Variants in HBS1L observed in about 807,000 individuals in gnomAD.
The protein encoded by HBS1L is HBS1-like protein.
In HBS1L, 55 loss-of-function variants were observed where a neutral mutation model predicts 88.9. The observed-to-expected ratio is 0.62, with a 90% CI of 0.50 to 0.77. The LOEUF (loss-of-function observed/expected upper bound fraction) is 0.77. Ranked by LOEUF, HBS1L falls within the 30% of genes least tolerant of loss-of-function variation. The probability of loss-of-function intolerance (pLI) is 0.00; values close to 1 mark genes in which losing one functional copy is unlikely to be tolerated. For synonymous variants in HBS1L, 267 were observed against 288.5 expected (o/e 0.93, Z 0.76); for missense variants, 741 against 829.3 (o/e 0.89, Z 1.31).
Position 135,039,780 on chromosome 6 carries a change from A to G in HBS1L, c.236-13T>C, listed in dbSNP as rs1466734835. On this transcript the variant is annotated splice_polypyrimidine_tract_variant and intron_variant, in intron 3 of 17. Coordinates refer to ENST00000367837, the MANE Select transcript of HBS1L (RefSeq NM_006620.4). ...GAATAAAGACGAGCTAGAAAAGACG[A>G]CAATGGTCAAAAGCTATACTAAATG... 1 of 1,599,930 alleles carries G rather than the reference A, an allele frequency of 6.3e-7. No homozygotes were observed. Among genetic ancestry groups the G allele is most frequent in the Non-Finnish European group, 8.5e-7 (1 of 1,174,226 alleles).
chr6:135,049,771 C>G (rs1226600643), intron 2 of HBS1L, among the ~76,000 whole-genome samples: 2 of 152,154 alleles, frequency 1.3e-5, no homozygotes, highest in African/African-American at 2.4e-5. Flanking sequence ...GGGGTTTCAC[C>G]ATGTTGGCCA....
intron 2 of HBS1L, among the ~76,000 whole-genome samples, chr6:135,045,161 G>A (rs2114918150): frequency 6.6e-6 from 1 of 152,034 alleles, no homozygotes; most frequent in Non-Finnish European, 1.5e-5. Context: ...GGGTGGGTGA[G>A]GTGGGGAGCG....
intron 2 of HBS1L, among the ~76,000 whole-genome samples, chr6:135,045,099 T>C (rs1409934645): frequency 1.3e-5 from 2 of 151,014 alleles, no homozygotes; most frequent in Non-Finnish European, 2.9e-5. Context: ...CCAGGAGAAG[T>C]ATTGGGTCGC....
chr6:134,994,055 C>T (rs982676772), intron 7 of HBS1L, among the ~76,000 whole-genome samples, 180 bp from the exon 8 acceptor site: 9 of 152,004 alleles, frequency 5.9e-5, no homozygotes, highest in Non-Finnish European at 4.4e-5. Flanking sequence ...AATAGAAGTG[C>T]ATCCATATGG....
In HBS1L at chr6:134,967,411, T is replaced by G. The variant is rs189277820; in HGVS notation, c.1899-938A>C. 2.9e-3 allele frequency among the ~76,000 whole-genome samples: 442 copies of G among 152,266 alleles called. 2 individuals are homozygous for G. The highest frequency in any genetic ancestry group is 9.6e-3 in the African/African-American group (399 of 41,538). ...ATTCCTTAGGAAGGAGAGCATCTAATACATAAATGGCTTGTTCCTAATTTA... is the reference window on the plus strand; with the variant it reads ...ATTCCTTAGGAAGGAGAGCATCTAAGACATAAATGGCTTGTTCCTAATTTA... On this transcript the variant is annotated intron_variant, in intron 16 of 17. Transcript: ENST00000367837.
rs111504247 is a variant in HBS1L at position 134,964,641 on chromosome 6, AC to A, written c.*637del. On this transcript the variant is annotated 3_prime_UTR_variant, in exon 18 of 18. Coordinates refer to ENST00000367837, the MANE Select transcript of HBS1L (RefSeq NM_006620.4). ...AAAACACAGTTTGTATTATGCTCAA[AC>A]TAAGGCATTTTATTAGCTGGCTTTA... is the stretch of plus-strand genomic sequence containing the variant. The A allele has an allele frequency of 3.3e-5, 5 of 152,560 alleles. No individual in the cohort carries two copies. Among genetic ancestry groups the A allele is most frequent in the African/African-American group, 1.2e-4 (5 of 41,574 alleles). 9.5% of individuals were successfully genotyped at this position (152,560 alleles called of 1,614,324 possible). A position where few individuals can be genotyped will look rare whatever the true frequency, so the allele number is the denominator to read the frequency against.
At position 134,985,249 on chromosome 6, in the gene HBS1L, A is replaced by C. The variant is rs1413842727; in HGVS notation, c.1492+92T>G. Reference sequence around the variant, plus strand: ...ATGGAGAGGAGAGACTCTGAAGGCAATATACTGTCATAACTTAGTCCAGGA... The same window carrying C: ...ATGGAGAGGAGAGACTCTGAAGGCACTATACTGTCATAACTTAGTCCAGGA... On this transcript the variant is annotated intron_variant, in intron 12 of 17. Transcript: ENST00000367837. The C allele has an allele frequency of 4.4e-6, 3 of 685,568 alleles. No homozygotes were observed. In the Admixed American group the frequency reaches 8.2e-5, roughly 19 times the overall value. The allele number at this position is 685,568 out of a possible 1,614,324, so 42.5% of individuals were successfully genotyped here.
chr6:135,031,187 G>GT (rs1776373537), intron 4 of HBS1L, among the ~76,000 whole-genome samples: 1 of 152,034 alleles, frequency 6.6e-6, no homozygotes, highest in African/African-American at 2.4e-5. Flanking sequence ...TGGGCCATGA[G>GT]TTCGGTGTTA....
chr6:134,964,682 T>C lies in HBS1L; in HGVS notation c.*597A>G, dbSNP rs919657269. The C allele has an allele frequency of 1.3e-5, 2 of 152,442 alleles. No homozygotes were observed. The highest frequency in any genetic ancestry group is 4.8e-5 in the African/African-American group (2 of 41,442). 9.4% of individuals were successfully genotyped at this position (152,442 alleles called of 1,614,324 possible). ...AGCTGGCTTTACAACTTAAATAATA[T>C]CTTGGCTTTCAAAGGAACAGCTTCC... On this transcript the variant is annotated 3_prime_UTR_variant, in exon 18 of 18. Transcript: ENST00000367837.
At chr6:134,980,455 A>C (rs1774796314) in intron 13 of HBS1L, among the ~76,000 whole-genome samples, 1 of 152,074 alleles carries the variant, frequency 6.6e-6, no homozygotes, top group Non-Finnish European at 1.5e-5. Flanking sequence ...TAATTTTAAA[A>C]TGTAAATTTA....
In HBS1L at chr6:134,982,465, G is replaced by A. The variant is rs535200456; in HGVS notation, c.1590C>T (p.Thr530=). The A allele has an allele frequency of 1.5e-5, 24 of 1,590,630 alleles. No homozygotes were observed. The highest frequency in any genetic ancestry group is 4.5e-5 in the East Asian group (2 of 44,630). ...CATCTTGCAGATAAATACCTTTCAC[G>A]GTACAAGTTTCATTAGGAGGCATTG... The part of the protein sequence containing the change: ...LLAMPPNETC[T]VKGITLHDEP... Residue 530 remains threonine, a synonymous_variant, in exon 13 of 18, where the codon ACC becomes ACT. Coordinates refer to ENST00000367837, the MANE Select transcript of HBS1L (RefSeq NM_006620.4).
chr6:135,018,338 C>T (rs1464118252), intron 4 of HBS1L, among the ~76,000 whole-genome samples: 12 of 152,006 alleles, frequency 7.9e-5, no homozygotes, highest in East Asian at 1.9e-4. Context: ...TTTAAAGCAG[C>T]TTTATAGCAT....
At chr6:135,002,052 T>C (rs1440594944) in intron 5 of HBS1L, among the ~76,000 whole-genome samples, 1 of 147,996 alleles carries the variant, frequency 6.8e-6, no homozygotes, top group African/African-American at 2.5e-5. Flanking sequence ...ACAAAATACA[T>C]ATAATTTATA....
chr6:135,051,334 T>C (rs1777077102), intron 1 of HBS1L, among the ~76,000 whole-genome samples: 1 of 152,214 alleles, frequency 6.6e-6, no homozygotes, highest in African/African-American at 2.4e-5. Context: ...ACCAAAGCAC[T>C]TCTCTTCCAC....
chr6:135,023,430 C>T (rs573004284), intron 4 of HBS1L, among the ~76,000 whole-genome samples: 4 of 148,078 alleles, frequency 2.7e-5, no homozygotes, highest in East Asian at 4.0e-4. Flanking sequence ...GGCAACAGAG[C>T]GAGACTCCAT....
chr6:135,040,982 A>G (rs1776717333), intron 3 of HBS1L, among the ~76,000 whole-genome samples: 2 of 152,170 alleles, frequency 1.3e-5, no homozygotes, highest in Non-Finnish European at 1.5e-5. Context: ...CTAACTTAAT[A>G]AAGATAAGAT....
intron 1 of HBS1L, among the ~76,000 whole-genome samples, chr6:135,054,114 T>C (rs1777170026): frequency 6.6e-6 from 1 of 152,272 alleles, no homozygotes; most frequent in African/African-American, 2.4e-5. Context: ...GTTTCCACTT[T>C]GAAATTCGTT....
At chr6:134,998,518 C>T (rs1295185785) in intron 5 of HBS1L, among the ~76,000 whole-genome samples, 1 of 152,150 alleles carries the variant, frequency 6.6e-6, no homozygotes, top group Non-Finnish European at 1.5e-5. Flanking sequence ...GGACAAAGAG[C>T]AGGTTAAATT....
intron 15 of HBS1L, among the ~76,000 whole-genome samples, chr6:134,971,697 T>C (rs1774493034): frequency 6.6e-6 from 1 of 152,230 alleles, no homozygotes; most frequent in Admixed American, 6.5e-5. Context: ...CAAAGTCATC[T>C]ATAATTCAAA....
Sources: gnomAD v4.1 joint callset for allele counts (sites outside exome capture counted in the v4.1 genomes callset) on GRCh38, gnomAD v4.1.1 for gene constraint, MANE v1.5 for transcripts, NCBI Gene and HGNC (gene_info 2026-07-23, HGNC 2026-07-21) for gene names.